CTNNA1: variants seen among roughly 807,000 people sequenced by gnomAD.
CTNNA1 encodes catenin alpha 1, also known as catenin alpha-1.
Under a neutral mutation model 98.4 loss-of-function variants are expected in CTNNA1, and 37 were observed. The ratio of observed to expected loss-of-function variants is 0.38; its 90% CI spans 0.29 to 0.49. The LOEUF is 0.49. CTNNA1 is among the 20% of genes least tolerant of loss of function. The pLI is 0.95. For missense variants in CTNNA1, 761 were observed against 1,147.2 expected (o/e 0.66, Z 4.86); for synonymous variants, 404 against 413.2 (o/e 0.98, Z 0.27).
intron 1 of CTNNA1, among the ~76,000 whole-genome samples, chr5:138,774,559 G>T (rs1285139194): frequency 6.6e-6 from 1 of 152,066 alleles, no homozygotes; most frequent in African/African-American, 2.4e-5. Flanking sequence ...CCTGTCCCCA[G>T]CCTGGAGAGG....
chr5:138,928,631 A>G (rs1033981953), intron 13 of CTNNA1, among the ~76,000 whole-genome samples: 1 of 152,204 alleles, frequency 6.6e-6, no homozygotes, highest in Non-Finnish European at 1.5e-5. Flanking sequence ...GAAGTAAATT[A>G]GGAAGTAAAA....
chr5:138,933,949 A>G lies in CTNNA1; in HGVS notation c.2581A>G (p.Met861Val), dbSNP rs1290158082. 6.8e-6 allele frequency: 11 copies of G among 1,614,212 alleles called. No homozygotes were observed. The highest frequency in any genetic ancestry group is 1.3e-5 in the African/African-American group (1 of 75,052). ...SLNLPAVSWKMKAPEKKPLVK... is the reference protein window; with the variant it reads ...SLNLPAVSWKVKAPEKKPLVK... ...CAACCTTCCTGCTGTGTCATGGAAG[A>G]TGAAGGCACCAGAGAAAAAGCCATT... The change falls in exon 18 of 18, where the codon ATG (methionine) becomes GTG (valine). Residue 861 changes from methionine to valine, a missense_variant. Met to Val is a conservative substitution (Grantham distance 21). This residue lies in a region of CTNNA1 where 57 missense variants were observed against 90.9 expected (regional missense o/e 0.63). Transcript: ENST00000302763.
intron 7 of CTNNA1, among the ~76,000 whole-genome samples, chr5:138,831,964 C>T (rs182378083): frequency 1.1e-3 from 175 of 152,260 alleles, no homozygotes; most frequent in Non-Finnish European, 2.2e-3. Context: ...ATGGGCCTTA[C>T]ATTCTACAGT....
At chr5:138,862,655 T>C (rs534954974) in intron 7 of CTNNA1, among the ~76,000 whole-genome samples, 1 of 152,322 alleles carries the variant, frequency 6.6e-6, no homozygotes, top group South Asian at 2.1e-4. Flanking sequence ...TATCTAATAT[T>C]ATAGTACATT....
chr5:138,905,933 A>T (rs1759152695), intron 10 of CTNNA1, among the ~76,000 whole-genome samples: 1 of 152,248 alleles, frequency 6.6e-6, no homozygotes, highest in Non-Finnish European at 1.5e-5. Flanking sequence ...AAGCAGAGGG[A>T]CTGGAGAAAT....
At chr5:138,784,676 G>A (rs1425968387) in intron 3 of CTNNA1, among the ~76,000 whole-genome samples, 1 of 152,096 alleles carries the variant, frequency 6.6e-6, no homozygotes, top group Non-Finnish European at 1.5e-5. Context: ...TCATCATTCT[G>A]AAGGCCAGAA....
chr5:138,870,980 A>G (rs914699306), intron 7 of CTNNA1: 2 of 152,204 alleles, frequency 1.3e-5, no homozygotes, highest in Admixed American at 6.5e-5. Context: ...GACTTTGACA[A>G]ACTAATCTGC....
At chr5:138,760,826 G>A (rs1319279981) in intron 1 of CTNNA1, among the ~76,000 whole-genome samples, 1 of 152,158 alleles carries the variant, frequency 6.6e-6, no homozygotes, top group Non-Finnish European at 1.5e-5. Context: ...TCTATTGTCT[G>A]AGTACTTGAA....
At chr5:138,924,344 G>T (rs1321719373) in intron 11 of CTNNA1, among the ~76,000 whole-genome samples, 166 bp from the exon 12 acceptor site, 1 of 150,632 alleles carries the variant, frequency 6.6e-6, no homozygotes, top group Non-Finnish European at 1.5e-5. Context: ...AACAGGTTTA[G>T]TTTCTGTCTC....
In CTNNA1 at chr5:138,887,575, AT is replaced by A; in HGVS notation, c.1230del (p.Asn410LysfsTer21). The A allele has an allele frequency of 3.1e-6, 5 of 1,612,880 alleles. No homozygotes were observed. The highest frequency in any genetic ancestry group is 4.2e-6 in the Non-Finnish European group (5 of 1,179,376). On this transcript the variant is annotated frameshift_variant, in exon 9 of 18. Transcript: ENST00000302763. LOFTEE classifies it high-confidence loss of function. ...TTGGTATTGATTGAAGCTGCAAAGA[AT>A]GGAAATGAGAAAGAAGTTAAGGAGT... is the stretch of plus-strand genomic sequence containing the variant. Reference protein sequence around the residue: ...PLLVLIEAAKNGNEKEVKEYA... With the variant: ...PLLVLIEAAKXGNEKEVKEYA...
intron 7 of CTNNA1, among the ~76,000 whole-genome samples, chr5:138,862,300 C>T (rs1280326179): frequency 1.3e-5 from 2 of 152,168 alleles, no homozygotes; most frequent in Non-Finnish European, 2.9e-5. Context: ...AAACCTGCCA[C>T]AATTGGAAGG....
chr5:138,881,546 G>A (rs1752909670), intron 7 of CTNNA1, among the ~76,000 whole-genome samples: 1 of 152,144 alleles, frequency 6.6e-6, no homozygotes, highest in Non-Finnish European at 1.5e-5. Context: ...CATTTTTCTT[G>A]ATAATTCTCT....
At chr5:138,768,471 G>C (rs1257685540) in intron 1 of CTNNA1, among the ~76,000 whole-genome samples, 1 of 151,790 alleles carries the variant, frequency 6.6e-6, no homozygotes. Flanking sequence ...ATGTTGGCCA[G>C]GGTGGCCTCA....
chr5:138,872,913 G>C (rs1750814952), intron 7 of CTNNA1: 1 of 858,044 alleles, frequency 1.2e-6, no homozygotes, highest in African/African-American at 1.7e-5. Context: ...GGAAAATTAG[G>C]CTTAATGTCA....
chr5:138,816,919 G>C (rs992525232), intron 5 of CTNNA1, among the ~76,000 whole-genome samples: 1 of 152,066 alleles, frequency 6.6e-6, no homozygotes, highest in Non-Finnish European at 1.5e-5. Flanking sequence ...GGCTGGTCTC[G>C]AACTCCTGGC....
At chr5:138,782,574 A>T (rs1430096156) in intron 2 of CTNNA1, among the ~76,000 whole-genome samples, 1 of 152,212 alleles carries the variant, frequency 6.6e-6, no homozygotes, top group Non-Finnish European at 1.5e-5. Flanking sequence ...TTGTTTGGCA[A>T]ATTTACACTA....
chr5:138,930,163 T>A (rs1459764921), intron 14 of CTNNA1, among the ~76,000 whole-genome samples: 1 of 152,200 alleles, frequency 6.6e-6, no homozygotes, highest in African/African-American at 2.4e-5. Flanking sequence ...CTCTCATTTC[T>A]TGTCTTATAT....
chr5:138,799,443 A>G (rs1347299574), intron 3 of CTNNA1, among the ~76,000 whole-genome samples: 2 of 152,192 alleles, frequency 1.3e-5, no homozygotes, highest in Admixed American at 1.3e-4. Flanking sequence ...TACAGGCGTG[A>G]CCACCATACC....
intron 9 of CTNNA1, among the ~76,000 whole-genome samples, chr5:138,890,093 C>A (rs1190938119): frequency 6.6e-6 from 1 of 152,116 alleles, no homozygotes; most frequent in Non-Finnish European, 1.5e-5. Context: ...TGTCTACAGG[C>A]CAACTTTGGT....
Sources: allele counts gnomAD v4.1 joint callset (sites outside exome capture counted in the v4.1 genomes callset), GRCh38; gene constraint gnomAD v4.1.1; regional missense constraint gnomAD v4.1.1; transcripts MANE v1.5; gene names NCBI Gene and HGNC (gene_info 2026-07-23, HGNC 2026-07-21).